The following CASQ2 variants were observed in gnomAD, a reference collection of about 807,000 sequenced individuals.
CASQ2 encodes calsequestrin-2.
In CASQ2, 49 loss-of-function variants were observed where a neutral mutation model predicts 46.5. That is an observed-to-expected ratio of 1.05 (90% CI 0.84 to 1.34). The LOEUF is 1.34. CASQ2 is among the 40% of genes most tolerant of loss of function. The probability of loss-of-function intolerance (pLI) is 0.00; values close to 1 mark genes in which losing one functional copy is unlikely to be tolerated. For missense variants in CASQ2, 486 were observed against 481.3 expected (o/e 1.01, Z -0.09); for synonymous variants, 174 against 168.5 (o/e 1.03, Z -0.25).
At chr1:115,760,777 A>G (rs1648909903) in intron 1 of CASQ2, among the ~76,000 whole-genome samples, 1 of 152,236 alleles carries the variant, frequency 6.6e-6, no homozygotes, top group Non-Finnish European at 1.5e-5. Context: ...GAGAACTACT[A>G]CAATCGACTA....
intron 1 of CASQ2, among the ~76,000 whole-genome samples, chr1:115,752,590 G>A (rs1648621232): frequency 6.6e-6 from 1 of 152,162 alleles, no homozygotes; most frequent in African/African-American, 2.4e-5. Flanking sequence ...AGGTTTGCAG[G>A]TGGGAATGTG....
intron 8 of CASQ2, among the ~76,000 whole-genome samples, chr1:115,716,984 T>G (rs893907956): frequency 6.6e-6 from 1 of 152,186 alleles, no homozygotes; most frequent in African/African-American, 2.4e-5. Context: ...GGTGGTTTCT[T>G]ATGATTTAAC....
chr1:115,750,257 T>C (rs2101107812), intron 1 of CASQ2, among the ~76,000 whole-genome samples: 1 of 152,306 alleles, frequency 6.6e-6, no homozygotes, highest in Middle Eastern at 3.4e-3. Flanking sequence ...GTACAGACTT[T>C]TCATATAGGA....
chr1:115,736,251 A>T (rs10923317), intron 4 of CASQ2, among the ~76,000 whole-genome samples: 18,653 of 152,066 alleles, frequency 0.12, 1,432 homozygotes, highest in African/African-American at 0.21. Context: ...CTCTTGTCCA[A>T]GGTGACCATC....
At chr1:115,764,659 C>T (rs1211080213) in intron 1 of CASQ2, among the ~76,000 whole-genome samples, 1 of 152,224 alleles carries the variant, frequency 6.6e-6, no homozygotes. Context: ...ATTCATTCAA[C>T]AATCATGTGT....
At chr1:115,724,217 GT>G (rs1647489543) in intron 7 of CASQ2, among the ~76,000 whole-genome samples, 1 of 152,186 alleles carries the variant, frequency 6.6e-6, no homozygotes, top group Non-Finnish European at 1.5e-5. Flanking sequence ...AGAACTAATG[GT>G]TTTTAGTTAT....
chr1:115,766,916 T>A (rs1050217687), intron 1 of CASQ2, among the ~76,000 whole-genome samples: 2 of 144,322 alleles, frequency 1.4e-5, no homozygotes, highest in Middle Eastern at 3.6e-3. Context: ...GATAGATAGA[T>A]AGAAGGATGA....
At chr1:115,744,382 T>C (rs1648310019) in intron 2 of CASQ2, among the ~76,000 whole-genome samples, 1 of 152,164 alleles carries the variant, frequency 6.6e-6, no homozygotes. Context: ...TAAAAAGCAC[T>C]GTTACCCTGG....
chr1:115,746,479 C>T (rs1648394285), intron 1 of CASQ2, among the ~76,000 whole-genome samples: 2 of 152,188 alleles, frequency 1.3e-5, no homozygotes, highest in Non-Finnish European at 1.5e-5. Flanking sequence ...TTTTCCACGT[C>T]TTTGTCAGGA....
chr1:115,760,567 G>A (rs1339950244), intron 1 of CASQ2, among the ~76,000 whole-genome samples: 2 of 152,174 alleles, frequency 1.3e-5, no homozygotes, highest in Non-Finnish European at 2.9e-5. Context: ...CAGCCTTGGG[G>A]TCCACATTTT....
intron 7 of CASQ2, among the ~76,000 whole-genome samples, chr1:115,720,486 A>G (rs1647331296): frequency 6.6e-6 from 1 of 152,216 alleles, no homozygotes; most frequent in Non-Finnish European, 1.5e-5. Flanking sequence ...AAACATTCAG[A>G]CCACAGAACC....
chr1:115,749,306 G>A (rs998954819), intron 1 of CASQ2, among the ~76,000 whole-genome samples: 17 of 152,146 alleles, frequency 1.1e-4, no homozygotes, highest in Admixed American at 6.5e-5. Context: ...TGTGCCTCTC[G>A]TAGGCATGTA....
At chr1:115,747,853 T>G (rs1369690202) in intron 1 of CASQ2, among the ~76,000 whole-genome samples, 1 of 99,776 alleles carries the variant, frequency 1.0e-5, no homozygotes, top group Non-Finnish European at 1.8e-5. Flanking sequence ...GGTTTTTGTT[T>G]TGTAGATTCC....
intron 3 of CASQ2, among the ~76,000 whole-genome samples, chr1:115,739,040 T>A (rs796119822): frequency 7.1e-6 from 1 of 140,216 alleles, no homozygotes; most frequent in African/African-American, 2.6e-5. Context: ...TCTGTATAGT[T>A]GCAAATGATA....
At chr1:115,706,108 G>A (rs962123886) in intron 8 of CASQ2, among the ~76,000 whole-genome samples, 1 of 152,068 alleles carries the variant, frequency 6.6e-6, no homozygotes, top group Non-Finnish European at 1.5e-5. Context: ...TTAGATTCTG[G>A]AAGGTCCCTG....
At chr1:115,728,154 G>T (rs894887668) in intron 5 of CASQ2, among the ~76,000 whole-genome samples, 2 of 152,172 alleles carry the variant, frequency 1.3e-5, no homozygotes, top group Admixed American at 6.5e-5. Flanking sequence ...CGTGACCCAG[G>T]GCGGCTGCAA....
chr1:115,742,692 C>A (rs1253244169), intron 2 of CASQ2, among the ~76,000 whole-genome samples: 1 of 152,194 alleles, frequency 6.6e-6, no homozygotes, highest in African/African-American at 2.4e-5. Context: ...CTCCCAAATG[C>A]AACTTCTCAT....
chr1:115,756,975 A>C (rs1366799351), intron 1 of CASQ2, among the ~76,000 whole-genome samples: 1 of 152,132 alleles, frequency 6.6e-6, no homozygotes, highest in African/African-American at 2.4e-5. Flanking sequence ...AATAAAAAAA[A>C]ACTTATACCT....
intron 4 of CASQ2, among the ~76,000 whole-genome samples, chr1:115,733,954 G>A (rs1197925732): frequency 1.3e-5 from 2 of 152,156 alleles, no homozygotes; most frequent in African/African-American, 2.4e-5. Flanking sequence ...CAAAGATACT[G>A]ATCTTCAAAA....
Sources: allele counts gnomAD v4.1 joint callset (sites outside exome capture counted in the v4.1 genomes callset), GRCh38; gene constraint gnomAD v4.1.1; transcripts MANE v1.5; gene names NCBI Gene and HGNC (gene_info 2026-07-23, HGNC 2026-07-21).